KIF4A: variants seen among roughly 807,000 people sequenced by gnomAD.
KIF4A encodes kinesin family member 4A, also known as chromosome-associated kinesin KIF4A.
Under a neutral mutation model 105.9 loss-of-function variants are expected in KIF4A, and 7 were observed. That is an observed-to-expected ratio of 0.07 (90% CI 0.04 to 0.12). The LOEUF (loss-of-function observed/expected upper bound fraction) is 0.12. KIF4A is among the 10% of genes least tolerant of loss of function. The probability of loss-of-function intolerance (pLI) is 1.00; values close to 1 mark genes in which losing one functional copy is unlikely to be tolerated. For missense variants in KIF4A, 558 were observed against 929.2 expected, an observed-to-expected ratio of 0.60 and a Z score of 5.19; for synonymous variants, 281 against 331.3, an observed-to-expected ratio of 0.85 and a Z score of 1.65.
At chrX:70,363,791 G>C (rs1602775122) in intron 15 of KIF4A, among the ~76,000 whole-genome samples, 2 of 111,837 alleles carry the variant, frequency 1.8e-5, no homozygotes, top group African/African-American at 6.5e-5. Flanking sequence ...GGTATTTCTA[G>C]TTCTAGATCC....
At chrX:70,370,935 CA>C (rs754711052) in intron 15 of KIF4A, among the ~76,000 whole-genome samples, 9 of 67,555 alleles carry the variant, frequency 1.3e-4, no homozygotes, top group Admixed American at 6.0e-4. Flanking sequence ...GACTCTGTCT[CA>C]AAAAAAAAAA....
intron 3 of KIF4A, among the ~76,000 whole-genome samples, chrX:70,295,903 C>T (rs1472681154): frequency 8.2e-5 from 8 of 97,750 alleles, no homozygotes; most frequent in Non-Finnish European, 1.2e-4. Context: ...GGCGGCAGAG[C>T]GAGACTCCAT....
intron 29 of KIF4A, among the ~76,000 whole-genome samples, chrX:70,418,583 C>T (rs1207876959): frequency 9.0e-6 from 1 of 111,593 alleles, no homozygotes; most frequent in Admixed American, 9.6e-5. Context: ...ATAGCAAACT[C>T]AGGAAAACCA....
Position 70,357,182 on chromosome X carries a change from C to T in KIF4A, c.1674+3375C>T, listed in dbSNP as rs62606852. 6.8e-3 allele frequency among the ~76,000 whole-genome samples: 757 copies of T among 111,030 alleles called. 3 individuals carry two copies. The highest frequency in any genetic ancestry group is 0.015 in the South Asian group (38 of 2,594). On this transcript the variant is annotated intron_variant, in intron 15 of 30. Coordinates refer to ENST00000374403, the MANE Select transcript of KIF4A (RefSeq NM_012310.5). ...ACAAAAAATTAGCCGAGCATGGTGG[C>T]GGGCGCCTGTAGTCCCAGCTACTGG...
In KIF4A at chrX:70,375,333, G is replaced by C. The variant is rs777587412; in HGVS notation, c.1908G>C (p.Leu636=). 8.3e-7 allele frequency: 1 copy of C among 1,210,071 alleles called. No individual in the cohort carries two copies. Among genetic ancestry groups the C allele is most frequent in the Non-Finnish European group, 1.1e-6 (1 of 894,473 alleles). The stretch of plus-strand genomic sequence containing the variant: ...CCACAGAGCGTACTGTCTCCAAACT[G>C]AACCAGGAGATACGGGTAATAAATT... ...KESTERTVSK[L]NQEIRMMKNQ... Residue 636 remains leucine, a synonymous_variant, in exon 17 of 31, where the codon CTG becomes CTC. Coordinates refer to ENST00000374403, the MANE Select transcript of KIF4A (RefSeq NM_012310.5).
At chrX:70,372,535 A>C (rs999297668) in intron 15 of KIF4A, among the ~76,000 whole-genome samples, 36 of 113,656 alleles carry the variant, frequency 3.2e-4, no homozygotes, top group Non-Finnish European at 5.1e-4. Flanking sequence ...CGCAGGCACT[A>C]GGCAGGCTGA....
chrX:70,378,780 C>T (rs748555328), intron 18 of KIF4A, among the ~76,000 whole-genome samples: 4 of 106,848 alleles, frequency 3.7e-5, no homozygotes, highest in South Asian at 4.1e-4. Flanking sequence ...TAGAAAAAAA[C>T]GGGGAAAATC....
chrX:70,392,849 A>T (rs1458650830), intron 20 of KIF4A, among the ~76,000 whole-genome samples: 4 of 105,422 alleles, frequency 3.8e-5, no homozygotes, highest in African/African-American at 1.4e-4. Flanking sequence ...TAATAATAAT[A>T]ATAATAATAA....
intron 7 of KIF4A, among the ~76,000 whole-genome samples, chrX:70,312,382 T>G (rs979724834): frequency 8.1e-5 from 9 of 110,814 alleles, no homozygotes; most frequent in African/African-American, 3.0e-4. Flanking sequence ...TGATCTCAGG[T>G]GATTTGACCA....
intron 13 of KIF4A, among the ~76,000 whole-genome samples, chrX:70,351,925 T>C (rs1287795318): frequency 9.1e-6 from 1 of 109,945 alleles, no homozygotes; most frequent in African/African-American, 3.3e-5. Flanking sequence ...GCCCGGCTAA[T>C]TTTTTTTGTA....
chrX:70,372,758 T>G (rs995362990), intron 15 of KIF4A, among the ~76,000 whole-genome samples: 13 of 113,106 alleles, frequency 1.1e-4, no homozygotes, highest in Non-Finnish European at 2.1e-4. Context: ...TAGATAAGTT[T>G]GAAAGTTCTG....
intron 20 of KIF4A, among the ~76,000 whole-genome samples, chrX:70,391,526 A>C (rs1195647294): frequency 9.0e-6 from 1 of 111,502 alleles, no homozygotes; most frequent in Non-Finnish European, 1.9e-5. Context: ...AATTTTTTTG[A>C]AATACTTTTT....
chrX:70,347,181 C>T (rs984976255), intron 13 of KIF4A, among the ~76,000 whole-genome samples: 21 of 111,665 alleles, frequency 1.9e-4, no homozygotes, highest in African/African-American at 6.5e-4. Context: ...GTAACGGTAC[C>T]GCCTACAAAC....
intron 7 of KIF4A, among the ~76,000 whole-genome samples, chrX:70,322,615 GT>G (rs2085895379): frequency 9.2e-6 from 1 of 109,020 alleles, no homozygotes; most frequent in Non-Finnish European, 1.9e-5. Context: ...CTGGCTCCCT[GT>G]TGCTTTAAAT....
intron 17 of KIF4A, 24 bp downstream of exon 17, chrX:70,375,372 T>C (rs776962677): frequency 8.4e-7 from 1 of 1,195,256 alleles, no homozygotes; most frequent in African/African-American, 1.7e-5. Context: ...ATCCTTGCAT[T>C]TACCCCCATT....
At chrX:70,419,389 G>A (rs1020790463) in intron 29 of KIF4A, among the ~76,000 whole-genome samples, 4 of 112,068 alleles carry the variant, frequency 3.6e-5, no homozygotes, top group Non-Finnish European at 7.5e-5. Flanking sequence ...ACAAATGACC[G>A]AGGCTTGTCT....
intron 4 of KIF4A, 77 bp from the exon 5 acceptor site, chrX:70,299,036 A>T: frequency 2.8e-6 from 2 of 719,152 alleles, no homozygotes. Flanking sequence ...AATTTTAAAA[A>T]TTACCTATGA....
At chrX:70,419,526 C>G in intron 29 of KIF4A, 135 bp from the exon 30 acceptor site, 4 of 726,206 alleles carry the variant, frequency 5.5e-6, no homozygotes, top group Non-Finnish European at 8.4e-6. Flanking sequence ...CCTCCCCAAG[C>G]AGGGCCTCCC....
chrX:70,373,867 CAA>C (rs2147721876), intron 15 of KIF4A, among the ~76,000 whole-genome samples: 1 of 98,003 alleles, frequency 1.0e-5, no homozygotes, highest in Non-Finnish European at 2.0e-5. Flanking sequence ...CACACACACA[CAA>C]ACTCTTTTCT....
Sources: allele counts gnomAD v4.1 joint callset (sites outside exome capture counted in the v4.1 genomes callset), GRCh38; gene constraint gnomAD v4.1.1; transcripts MANE v1.5; gene names NCBI Gene and HGNC (gene_info 2026-07-23, HGNC 2026-07-21).